AFG3L2: variants seen among roughly 807,000 people sequenced by gnomAD.
AFG3L2 encodes the protein mitochondrial inner membrane m-AAA protease component AFG3L2.
Under a neutral mutation model 94.5 loss-of-function variants are expected in AFG3L2, and 54 were observed. That is an observed-to-expected ratio of 0.57 (90% confidence interval 0.46 to 0.72). The LOEUF (loss-of-function observed/expected upper bound fraction) is 0.72. AFG3L2 is among the 30% of genes least tolerant of loss of function. The probability of loss-of-function intolerance (pLI) is 0.00; values close to 1 mark genes in which losing one functional copy is unlikely to be tolerated. For missense variants in AFG3L2, 754 were observed against 994.9 expected (o/e 0.76, Z 3.26); for synonymous variants, 377 against 365.5 (o/e 1.03, Z -0.36).
At chr18:12,339,848 CA>C (rs55881327) in intron 15 of AFG3L2, among the ~76,000 whole-genome samples, 57,633 of 79,322 alleles carry the variant, frequency 0.73, 19,797 homozygotes, top group Non-Finnish European at 0.79. Context: ...GGCTCAGTCT[CA>C]AAAAAAAAAA....
chr18:12,329,615 C>G lies in AFG3L2; in HGVS notation c.2344G>C (p.Glu782Gln). 6.2e-7 allele frequency: 1 copy of G among 1,614,190 alleles called. No individual in the cohort carries two copies. The highest frequency in any genetic ancestry group is 8.5e-7 in the Non-Finnish European group (1 of 1,180,044). Residue 782 changes from glutamate (E) to glutamine (Q), a missense_variant, in exon 17 of 17, where the codon GAG (glutamate) becomes CAG (glutamine). Coordinates refer to ENST00000269143, the MANE Select transcript of AFG3L2 (RefSeq NM_006796.3). The stretch of plus-strand genomic sequence containing the variant: ...GGCTCCTCTTTCTCCTTTTCCCGCT[C>G]CTTGTTCCAGTCCTTAAGGCCTTCT... ...LPEGLKDWNK[E>Q]REKEKEEPPG...
rs1568131850 is a variant in AFG3L2 at position 12,332,944 on chromosome 18, T to TACTATATAATATAG, written c.2176-3162_2176-3161insCTATATTATATAGT. ...TATATAACATATACTATATAACATA[T>TACTATATAATATAG]AATATATTATATACTATAATATATT... is the stretch of plus-strand genomic sequence containing the variant. On this transcript the variant is annotated intron_variant, in intron 16 of 16. Coordinates refer to ENST00000269143, the MANE Select transcript of AFG3L2 (RefSeq NM_006796.3). Among the ~76,000 whole-genome samples the TACTATATAATATAG allele has an allele frequency of 5.0e-5, 6 of 120,868 alleles. No individual in the cohort carries two copies. In the East Asian group the frequency reaches 1.6e-3, roughly 33 times the overall value. The allele number at this position is 120,868 out of a possible 152,430, so 79.3% of individuals were successfully genotyped here.
At chr18:12,339,283 C>T (rs1266754027) in intron 15 of AFG3L2, among the ~76,000 whole-genome samples, 1 of 139,892 alleles carries the variant, frequency 7.1e-6, no homozygotes, top group Non-Finnish European at 1.5e-5. Context: ...CCAAGCACAG[C>T]GGCTCATGCC....
intron 5 of AFG3L2, among the ~76,000 whole-genome samples, chr18:12,364,068 A>C (rs1348422740): frequency 2.0e-5 from 3 of 152,204 alleles, no homozygotes; most frequent in Non-Finnish European, 2.9e-5. Flanking sequence ...TAGGGGCTGC[A>C]TTGCCCAAAC....
In AFG3L2 at chr18:12,340,405, G is replaced by T. The variant is rs1477129589; in HGVS notation, c.1780-4C>A. ...TGCCACGTGGGATGATGGATACCTG[G>T]TAAGTAGAAAACAGTGTTGAAGATC... On this transcript the variant is annotated splice_region_variant and splice_polypyrimidine_tract_variant and intron_variant, in intron 14 of 16. Coordinates refer to ENST00000269143, the MANE Select transcript of AFG3L2 (RefSeq NM_006796.3). The T allele has an allele frequency of 6.2e-7, 1 of 1,610,616 alleles. No individual in the cohort carries two copies. Among genetic ancestry groups the T allele is most frequent in the Non-Finnish European group, 8.5e-7 (1 of 1,176,974 alleles).
intron 14 of AFG3L2, chr18:12,342,570 T>A (rs1907988353): frequency 6.6e-6 from 1 of 152,230 alleles, no homozygotes; most frequent in African/African-American, 2.4e-5. Flanking sequence ...CTATCAACGT[T>A]TTCTTTTGTG....
At chr18:12,347,083 T>G (rs541293572) in intron 13 of AFG3L2, among the ~76,000 whole-genome samples, 2 of 151,732 alleles carry the variant, frequency 1.3e-5, no homozygotes, top group Non-Finnish European at 2.9e-5. Context: ...GCCGAGATTG[T>G]GCCACTGCAC....
rs1444834665 is a variant in AFG3L2 at position 12,367,001 on chromosome 18, C to A, written c.516G>T (p.Trp172Cys). Reference protein sequence around the residue: ...LLKRSGREITWKDFVNNYLSK... With the variant: ...LLKRSGREITCKDFVNNYLSK... Reference sequence around the variant, plus strand: ...AAAGATAGTTATTGACAAAGTCCTTCCAAGTGATTTCTCTCCCGGATCTCT... The same window carrying A: ...AAAGATAGTTATTGACAAAGTCCTTACAAGTGATTTCTCTCCCGGATCTCT... Residue 172 changes from tryptophan (W) to cysteine (C), a missense_variant, in exon 5 of 17, where the codon TGG (tryptophan) becomes TGT (cysteine). Transcript: ENST00000269143. 1 of 1,614,208 alleles carries A rather than the reference C, an allele frequency of 6.2e-7. No individual in the cohort carries two copies. The highest frequency in any genetic ancestry group is 1.3e-5 in the African/African-American group (1 of 75,048).
At chr18:12,354,325 AG>A in intron 9 of AFG3L2, among the ~76,000 whole-genome samples, 1 of 152,258 alleles carries the variant, frequency 6.6e-6, no homozygotes, top group Non-Finnish European at 1.5e-5. Flanking sequence ...CGGCATGAAC[AG>A]GAACTCAGCC....
At chr18:12,342,379 G>A (rs998461764) in intron 14 of AFG3L2, 9 of 152,092 alleles carry the variant, frequency 5.9e-5, no homozygotes, top group African/African-American at 1.9e-4. Context: ...TAAATCTTTC[G>A]CCCATTGTTT....
At chr18:12,349,402 G>T (rs1436455188) in intron 12 of AFG3L2, among the ~76,000 whole-genome samples, 3 of 152,134 alleles carry the variant, frequency 2.0e-5, no homozygotes, top group African/African-American at 7.2e-5. Flanking sequence ...CCACTCCTAG[G>T]TATATACCAA....
At chr18:12,344,106 T>G in intron 14 of AFG3L2, 26 bp downstream of exon 14, 1 of 1,588,552 alleles carries the variant, frequency 6.3e-7, no homozygotes. Flanking sequence ...ATGCACTGGC[T>G]GCCTAGTGCA....
rs147818041 is a variant in AFG3L2, at chr18:12,373,315, G to C, written c.115-1624C>G. Among the ~76,000 whole-genome samples the C allele has an allele frequency of 4.7e-3, 714 of 152,006 alleles. 6 individuals are homozygous for C. The highest frequency in any genetic ancestry group is 0.014 in the Middle Eastern group (4 of 294). On this transcript the variant is annotated intron_variant, in intron 1 of 16. Coordinates refer to ENST00000269143, the MANE Select transcript of AFG3L2 (RefSeq NM_006796.3). ...TTAAGGGTGTAGATTAAAATGAAAT[G>C]TTATTCAAGCTAGACAAGTCAACAA...
chr18:12,349,107 G>A (rs1390602793), intron 12 of AFG3L2, among the ~76,000 whole-genome samples: 5 of 152,082 alleles, frequency 3.3e-5, no homozygotes, highest in East Asian at 1.9e-4. Flanking sequence ...AGAGAAATAG[G>A]GAATGGGAAA....
At chr18:12,375,663 A>G (rs1041462835) in intron 1 of AFG3L2, among the ~76,000 whole-genome samples, 6 of 152,140 alleles carry the variant, frequency 3.9e-5, no homozygotes, top group African/African-American at 1.4e-4. Flanking sequence ...CCCCTGCCTC[A>G]GTCTCCCGAG....
chr18:12,375,868 A>G (rs1192398815), intron 1 of AFG3L2, among the ~76,000 whole-genome samples: 1 of 152,126 alleles, frequency 6.6e-6, no homozygotes, highest in East Asian at 1.9e-4. Context: ...ACGGTGCTGT[A>G]GTCCCAGATA....
chr18:12,362,031 C>A (rs965475217), intron 6 of AFG3L2, among the ~76,000 whole-genome samples: 1 of 152,230 alleles, frequency 6.6e-6, no homozygotes, highest in African/African-American at 2.4e-5. Flanking sequence ...TGCAGATTCT[C>A]AGAACACAAT....
At chr18:12,337,282 A>C in intron 16 of AFG3L2, 59 bp downstream of exon 16, 2 of 1,463,266 alleles carry the variant, frequency 1.4e-6, no homozygotes, top group Non-Finnish European at 1.9e-6. Context: ...CAGTCTATCT[A>C]TCACTTCAAT....
At chr18:12,343,828 C>T (rs1242027998) in intron 14 of AFG3L2, 1 of 460,216 alleles carries the variant, frequency 2.2e-6, no homozygotes, top group Non-Finnish European at 4.0e-6. Context: ...TATGAAAAAC[C>T]CTTTGGCAAG....
Sources: gnomAD v4.1 joint callset for allele counts (sites outside exome capture counted in the v4.1 genomes callset) on GRCh38, gnomAD v4.1.1 for gene constraint, MANE v1.5 for transcripts, NCBI Gene and HGNC (gene_info 2026-07-23, HGNC 2026-07-21) for gene names.